Variants in ZDHHC13 observed in about 807,000 individuals in gnomAD.
ZDHHC13 encodes the protein palmitoyltransferase ZDHHC13.
In ZDHHC13, 85 loss-of-function variants were observed where a neutral mutation model predicts 86.0. That is an observed-to-expected ratio of 0.99 (90% CI 0.83 to 1.18). The LOEUF is 1.18. Ranked by LOEUF, ZDHHC13 falls within the 50% of genes most tolerant of loss-of-function variation. The pLI is 0.00. For missense variants in ZDHHC13, 711 were observed against 730.2 expected (o/e 0.97, Z 0.30); for synonymous variants, 263 against 246.4 (o/e 1.07, Z -0.63).
chr11:19,155,839 T>C lies in ZDHHC13; in HGVS notation c.917T>C (p.Ile306Thr), dbSNP rs201506623. The C allele has an allele frequency of 2.4e-4, 381 of 1,613,306 alleles. 1 individual carries two copies. The highest frequency in any genetic ancestry group is 2.5e-4 in the East Asian group (11 of 44,830). The change falls in exon 9 of 17, where the codon ATT becomes ACT. Residue 306 changes from isoleucine (I) to threonine (T), a missense_variant. Ile to Thr is a moderately conservative substitution (Grantham distance 89). Transcript: ENST00000446113. ...LMLSVITMWA[I>T]GYILDFNSDS... ...CTTTCTGTGATTACCATGTGGGCTA[T>C]TGGATACATATTGGACTTCAATTCA...
Position 19,152,312 on chromosome 11 carries a change from A to G in ZDHHC13, c.739A>G (p.Asn247Asp). The change falls in exon 7 of 17, where the codon AAT becomes GAT. Residue 247 changes from asparagine (N) to aspartate (D), a missense_variant. By Grantham distance (23) the Asn-to-Asp change is conservative. Coordinates refer to ENST00000446113, the MANE Select transcript of ZDHHC13 (RefSeq NM_019028.3). ...AGCTGGTTCTAGCCTGGATATCCAG[A>G]ATGTTAAGGTATGGCCAGATATTTA... Reference protein sequence around the residue: ...LEAGSSLDIQNVKGETPLDMA... With the variant: ...LEAGSSLDIQDVKGETPLDMA... 2 of 1,613,046 alleles carry G rather than the reference A, an allele frequency of 1.2e-6. No individual in the cohort carries two copies. The highest frequency in any genetic ancestry group is 2.7e-5 in the African/African-American group (2 of 75,030).
intron 14 of ZDHHC13, chr11:19,169,490 G>GTCCC: frequency 1.0e-6 from 1 of 985,458 alleles, no homozygotes; most frequent in Non-Finnish European, 1.2e-6. Flanking sequence ...TTTTCTTCCT[G>GTCCC]TCCCTGGAGT....
At chr11:19,154,580 C>A (rs1849705768) in intron 8 of ZDHHC13, among the ~76,000 whole-genome samples, 1 of 152,106 alleles carries the variant, frequency 6.6e-6, no homozygotes, top group South Asian at 2.1e-4. Flanking sequence ...AAACATGGGG[C>A]CCAGCTTCAA....
intron 14 of ZDHHC13, chr11:19,166,661 G>C (rs1303169310): frequency 4.6e-6 from 1 of 218,284 alleles, no homozygotes; most frequent in Non-Finnish European, 8.9e-6. Context: ...GCTCCCCAGT[G>C]AAGAAGGAAA....
At chr11:19,117,133 C>T (rs953430935), upstream of ZDHHC13, 5 of 1,126,494 alleles carry the variant, frequency 4.4e-6, no homozygotes, top group African/African-American at 4.7e-5. This position sits in a 1 kb window ranked among gnomAD's most constrained non-coding sequence, Gnocchi z 4.2. Context: ...GGGACCGCAG[C>T]GGCGGAGGTG....
At chr11:19,157,007 C>A (rs1272262020) in intron 9 of ZDHHC13, among the ~76,000 whole-genome samples, 1 of 152,220 alleles carries the variant, frequency 6.6e-6, no homozygotes, top group African/African-American at 2.4e-5. Flanking sequence ...TGCACTGTAC[C>A]TTCTTTCTCA....
chr11:19,169,633 C>T, intron 14 of ZDHHC13: 1 of 985,454 alleles, frequency 1.0e-6, no homozygotes, highest in Non-Finnish European at 1.2e-6. Flanking sequence ...GGCAGGGTGC[C>T]TGTAAAAGTC....
intron 1 of ZDHHC13, among the ~76,000 whole-genome samples, chr11:19,130,030 G>A (rs996436920): frequency 3.3e-5 from 5 of 152,096 alleles, no homozygotes; most frequent in African/African-American, 4.8e-5. Context: ...AGAGCTTGCA[G>A]TGAGCCGAGA....
chr11:19,168,367 A>T (rs997712319), intron 14 of ZDHHC13: 10 of 152,212 alleles, frequency 6.6e-5, no homozygotes, highest in Non-Finnish European at 1.0e-4. Context: ...ATCTATGACC[A>T]GCATAAGACT....
At chr11:19,153,651 A>T (rs1332302263) in intron 8 of ZDHHC13, among the ~76,000 whole-genome samples, 1 of 152,120 alleles carries the variant, frequency 6.6e-6, no homozygotes, top group African/African-American at 2.4e-5. Context: ...CTATCTATTC[A>T]TTCCCTAAAT....
At chr11:19,166,220 C>A in intron 13 of ZDHHC13, 82 bp from the exon 14 acceptor site, 3 of 1,114,006 alleles carry the variant, frequency 2.7e-6, no homozygotes, top group Non-Finnish European at 2.6e-6. Context: ...AGACTTTTGA[C>A]AGGAAAGTGG....
At chr11:19,146,402 C>G in intron 3 of ZDHHC13, 99 bp downstream of exon 3, 1 of 1,356,228 alleles carries the variant, frequency 7.4e-7, no homozygotes, top group Non-Finnish European at 9.6e-7. Flanking sequence ...ATGTGTAATC[C>G]TCGTGTAAAA....
At chr11:19,118,627 A>G (rs1848697133) in intron 1 of ZDHHC13, 1 of 152,238 alleles carries the variant, frequency 6.6e-6, no homozygotes, top group Non-Finnish European at 1.5e-5. Context: ...TCCATGGCCT[A>G]TAGAGAGGGA....
rs1237002916 is a variant in ZDHHC13 at position 19,176,204 on chromosome 11, G to C, written c.*244G>C. 3.0e-6 allele frequency: 1 copy of C among 333,918 alleles called. No homozygotes were observed. Among genetic ancestry groups the C allele is most frequent in the Non-Finnish European group, 5.3e-6 (1 of 188,974 alleles). The allele number at this position is 333,918 out of a possible 1,614,324, so 20.7% of individuals were successfully genotyped here. A position where few individuals can be genotyped will look rare whatever the true frequency, so the allele number is the denominator to read the frequency against. On this transcript the variant is annotated 3_prime_UTR_variant, in exon 17 of 17. Coordinates refer to ENST00000446113, the MANE Select transcript of ZDHHC13 (RefSeq NM_019028.3). The stretch of plus-strand genomic sequence containing the variant: ...AAAACCATATTTTTCACAAGAAAAT[G>C]CAAGTTACTTTTTTTGGAAATAATA...
intron 9 of ZDHHC13, among the ~76,000 whole-genome samples, chr11:19,157,900 A>G (rs764311375): frequency 2.0e-5 from 3 of 152,186 alleles, no homozygotes; most frequent in South Asian, 2.1e-4. Context: ...GTAAACTACT[A>G]TTATTACAGG....
At chr11:19,143,207 T>G in intron 2 of ZDHHC13, 84 bp downstream of exon 2, 1 of 1,398,310 alleles carries the variant, frequency 7.2e-7, no homozygotes, top group Non-Finnish European at 9.6e-7. Flanking sequence ...GCTTCATATG[T>G]TTACCTCTCT....
chr11:19,152,536 T>G, intron 7 of ZDHHC13, 23 bp from the exon 8 acceptor site: 1 of 1,567,526 alleles, frequency 6.4e-7, no homozygotes, highest in South Asian at 1.2e-5. Flanking sequence ...ACTTTTAAAC[T>G]TTTTACCCTA....
intron 1 of ZDHHC13, among the ~76,000 whole-genome samples, chr11:19,127,489 A>G (rs575826347): frequency 2.0e-5 from 3 of 152,274 alleles, no homozygotes; most frequent in African/African-American, 7.2e-5. Flanking sequence ...TTTTGTTGCC[A>G]TTGCTTTTGG....
chr11:19,171,446 A>G (rs35700596), intron 15 of ZDHHC13, among the ~76,000 whole-genome samples: 1 of 152,208 alleles, frequency 6.6e-6, no homozygotes, highest in Non-Finnish European at 1.5e-5. Flanking sequence ...GATAATAATA[A>G]CAAGAAGAGA....
Sources: allele counts gnomAD v4.1 joint callset (sites outside exome capture counted in the v4.1 genomes callset), GRCh38; gene constraint gnomAD v4.1.1; non-coding constraint Gnocchi (gnomAD v3.1); transcripts MANE v1.5; gene names NCBI Gene and HGNC (gene_info 2026-07-23, HGNC 2026-07-21).